Variants in LAMC3 observed in about 807,000 individuals in gnomAD.
LAMC3 encodes the protein laminin subunit gamma-3.
Under a neutral mutation model 173.8 loss-of-function variants are expected in LAMC3, and 128 were observed. The ratio of observed to expected loss-of-function variants is 0.74; its 90% CI spans 0.64 to 0.85. The LOEUF (loss-of-function observed/expected upper bound fraction) is 0.85, where lower values mean the gene tolerates loss of function less well. LAMC3 is among the 40% of genes least tolerant of loss of function. LAMC3 has a pLI of 0.00. For synonymous variants in LAMC3, 897 were observed against 909.1 expected (o/e 0.99, Z 0.24); for missense variants, 2,022 against 2,156.0 (o/e 0.94, Z 1.23).
intron 24 of LAMC3, among the ~76,000 whole-genome samples, chr9:131,083,330 G>A (rs991712683): frequency 1.3e-5 from 2 of 152,120 alleles, no homozygotes; most frequent in Non-Finnish European, 2.9e-5. Flanking sequence ...TCCACAGGAG[G>A]GCTAACCTCA....
rs763001694 is a variant in LAMC3 at position 131,041,735 on chromosome 9, G to A, written c.1382G>A (p.Arg461Lys). The A allele has an allele frequency of 6.2e-7, 1 of 1,612,870 alleles. No individual in the cohort carries two copies. Among genetic ancestry groups the A allele is most frequent in the Non-Finnish European group, 8.5e-7 (1 of 1,179,786 alleles). The change falls in exon 7 of 28, where the codon AGA becomes AAA. Residue 461 changes from arginine to lysine, a missense_variant and splice_region_variant. By Grantham distance (26) the Arg-to-Lys change is conservative. Coordinates refer to ENST00000361069, the MANE Select transcript of LAMC3 (RefSeq NM_006059.4). ...KENVEGNLCD[R>K]CRPGTFNLQP... Reference sequence around the variant, plus strand: ...AATGTGGAAGGCAACCTATGTGACAGGTTTGTGAGCTAATCCAGCAGTAAG... The same window carrying A: ...AATGTGGAAGGCAACCTATGTGACAAGTTTGTGAGCTAATCCAGCAGTAAG...
chr9:131,085,766 G>A (rs777594008), intron 25 of LAMC3, 43 bp downstream of exon 25: 29 of 1,585,130 alleles, frequency 1.8e-5, no homozygotes, highest in Admixed American at 1.0e-4. Flanking sequence ...CTTCCCTCCC[G>A]GGGGGACCGC....
Position 131,071,506 on chromosome 9 carries a change from T to C in LAMC3, c.3092T>C (p.Leu1031Pro), listed in dbSNP as rs532088641. The change falls in exon 18 of 28, where the codon CTG becomes CCG. Residue 1031 changes from leucine to proline, a missense_variant. Physicochemically the swap from Leu to Pro is moderately conservative, Grantham distance 98 (BLOSUM62 -3). Coordinates refer to ENST00000361069, the MANE Select transcript of LAMC3 (RefSeq NM_006059.4). Reference protein sequence around the residue: ...KEEAAKLKARLTLTEGWLQGS... With the variant: ...KEEAAKLKARPTLTEGWLQGS... ...CAGGCAGCCAAGCTGAAGGCCAGAC[T>C]GACTTTGACGGAGGGGTGGCTCCAA... is the stretch of plus-strand genomic sequence containing the variant. 19 of 1,613,916 alleles carry C rather than the reference T, an allele frequency of 1.2e-5. No individual in the cohort carries two copies. The South Asian group carries it at 2.0e-4, about 17-fold the overall frequency.
At chr9:131,087,861 G>A in intron 27 of LAMC3, 44 bp downstream of exon 27, 3 of 1,516,344 alleles carry the variant, frequency 2.0e-6, no homozygotes, top group Non-Finnish European at 1.8e-6. Context: ...TGGGTCCCTG[G>A]GGCACCTCTA....
intron 6 of LAMC3, among the ~76,000 whole-genome samples, chr9:131,041,366 C>CAAAAAAAAAAAAAAAA (rs10526087): frequency 6.1e-5 from 7 of 114,560 alleles, no homozygotes; most frequent in Non-Finnish European, 9.1e-5. Flanking sequence ...GACTCTGTCC[C>CAAAAAAAAAAAAAAAA]AAAAAAAAAG....
intron 2 of LAMC3, among the ~76,000 whole-genome samples, chr9:131,030,082 A>G (rs1023603029): frequency 8.6e-5 from 13 of 151,990 alleles, no homozygotes; most frequent in Non-Finnish European, 1.8e-4. Context: ...CTGGGATTGC[A>G]GGTGTGTGCC....
intron 8 of LAMC3, 113 bp from the exon 9 acceptor site, chr9:131,048,907 C>T: frequency 3.1e-6 from 2 of 637,454 alleles, no homozygotes; most frequent in Non-Finnish European, 2.8e-6. Flanking sequence ...CCTGAGCTTT[C>T]TAGCTTCTCC....
intron 22 of LAMC3, 66 bp from the exon 23 acceptor site, chr9:131,079,083 C>G (rs758912584): frequency 3.8e-6 from 6 of 1,571,392 alleles, no homozygotes; most frequent in Non-Finnish European, 5.2e-6. Flanking sequence ...GCACCTCCCC[C>G]AAGGAGAGGA....
At chr9:131,033,289 A>G (rs115091085) in intron 3 of LAMC3, among the ~76,000 whole-genome samples, 2,390 of 152,274 alleles carry the variant, frequency 0.016, 56 homozygotes, top group African/African-American at 0.05. Context: ...GAGAGAGGAA[A>G]ACAGGTGCGT....
At chr9:131,023,662 C>T (rs1180514885) in intron 1 of LAMC3, among the ~76,000 whole-genome samples, 1 of 152,088 alleles carries the variant, frequency 6.6e-6, no homozygotes, top group African/African-American at 2.4e-5. Context: ...GGTTGGAGTG[C>T]AGTGGCGTGA....
intron 23 of LAMC3, 107 bp downstream of exon 23, chr9:131,079,405 C>T: frequency 7.2e-7 from 1 of 1,380,408 alleles, no homozygotes; most frequent in Non-Finnish European, 1.0e-6. Context: ...ACAGAAGTAG[C>T]TCTGTCCGGC....
chr9:131,010,730 G>A (rs1355379147), intron 1 of LAMC3, among the ~76,000 whole-genome samples: 2 of 152,218 alleles, frequency 1.3e-5, no homozygotes, highest in South Asian at 2.1e-4. Context: ...GGGCAGCTGC[G>A]CCCGGTGGCA....
rs373163601 is a variant in LAMC3, at chr9:131,036,209, G to A, written c.853G>A (p.Ala285Thr). 79 of 1,612,754 alleles carry A rather than the reference G, an allele frequency of 4.9e-5. No individual in the cohort carries two copies. Among genetic ancestry groups the A allele is most frequent in the Non-Finnish European group, 6.4e-5 (75 of 1,179,882 alleles). Residue 285 changes from alanine (A) to threonine (T), a missense_variant, in exon 4 of 28, where the codon GCA becomes ACA. Coordinates refer to ENST00000361069, the MANE Select transcript of LAMC3 (RefSeq NM_006059.4). Reference protein sequence around the residue: ...GHASECGPDVAGQLACRCQHN... With the variant: ...GHASECGPDVTGQLACRCQHN... ...TGCCAGCGAGTGCGGCCCCGACGTG[G>A]CAGGCCAGTTGGCCTGCCGGTGCCA... is the stretch of plus-strand genomic sequence containing the variant.
At position 131,036,308 on chromosome 9, in the gene LAMC3, G is replaced by T; in HGVS notation, c.952G>T (p.Ala318Ser). 2 of 1,613,166 alleles carry T rather than the reference G, an allele frequency of 1.2e-6. No homozygotes were observed. The highest frequency in any genetic ancestry group is 1.7e-6 in the Non-Finnish European group (2 of 1,179,882). ...FQDRPWARGT[A>S]EAAHECLPCN... ...GGACCGCCCGTGGGCCCGGGGCACC[G>T]CCGAGGCTGCCCACGAGTGTCTGCG... Residue 318 changes from alanine to serine, a missense_variant, in exon 4 of 28, where the codon GCC becomes TCC. Transcript: ENST00000361069.
At chr9:131,015,567 G>A (rs1029459298) in intron 1 of LAMC3, among the ~76,000 whole-genome samples, 1 of 152,188 alleles carries the variant, frequency 6.6e-6, no homozygotes, top group African/African-American at 2.4e-5. Flanking sequence ...TTGAGCAGCC[G>A]CCTTGACACC....
rs191365295 is a variant in LAMC3, at chr9:131,035,578, A to T, written c.810-588A>T. Reference sequence around the variant, plus strand: ...GCTCCCACCAGGCCCCACCTCCAACATTGGGGATTGCAGTTTGACACATTT... The same window carrying T: ...GCTCCCACCAGGCCCCACCTCCAACTTTGGGGATTGCAGTTTGACACATTT... On this transcript the variant is annotated intron_variant, in intron 3 of 27. Transcript: ENST00000361069. 2.1e-3 allele frequency among the ~76,000 whole-genome samples: 325 copies of T among 152,282 alleles called. 3 individuals carry two copies. Among genetic ancestry groups the T allele is most frequent in the African/African-American group, 7.4e-3 (308 of 41,550 alleles).
At position 131,076,620 on chromosome 9, in the gene LAMC3, A is replaced by G. The variant is rs183542705; in HGVS notation, c.3630-567A>G. Among the ~76,000 whole-genome samples the G allele has an allele frequency of 2.1e-3, 318 of 152,298 alleles. 1 individual carries two copies. Among genetic ancestry groups the G allele is most frequent in the African/African-American group, 7.3e-3 (305 of 41,572 alleles). On this transcript the variant is annotated intron_variant, in intron 21 of 27. Coordinates refer to ENST00000361069, the MANE Select transcript of LAMC3 (RefSeq NM_006059.4). ...GGAAGCCAGAGGTCTCCACCCCAGC[A>G]ATGCCCTTGTCGAGGAAGAATGGGT...
chr9:131,014,328 T>C (rs1833480992), intron 1 of LAMC3, among the ~76,000 whole-genome samples: 1 of 152,190 alleles, frequency 6.6e-6, no homozygotes, highest in South Asian at 2.1e-4. Flanking sequence ...TCAGCCTAAC[T>C]CATGTCTTGT....
chr9:131,078,378 A>C (rs759117088), intron 22 of LAMC3, among the ~76,000 whole-genome samples: 2 of 152,024 alleles, frequency 1.3e-5, no homozygotes, highest in Non-Finnish European at 2.9e-5. Context: ...TGTAGTCCCA[A>C]CTACTCGGGA....
Sources: gnomAD v4.1 joint callset for allele counts (sites outside exome capture counted in the v4.1 genomes callset) on GRCh38, gnomAD v4.1.1 for gene constraint, MANE v1.5 for transcripts, NCBI Gene and HGNC (gene_info 2026-07-23, HGNC 2026-07-21) for gene names.